Variants in AGBL1 observed in about 807,000 individuals in gnomAD.
AGBL1 encodes cytosolic carboxypeptidase 4.
AGBL1 carries 130 observed loss-of-function variants against 118.9 expected under a neutral mutation model. The observed-to-expected ratio is 1.09, with a 90% CI of 0.95 to 1.26. The LOEUF is 1.26. Among genes scored for constraint, AGBL1 ranks in the 50% most tolerant of loss-of-function variants. AGBL1 has a pLI of 0.00. For synonymous variants in AGBL1, 555 were observed against 478.9 expected (o/e 1.16, Z -2.08); for missense variants, 1,584 against 1,298.1 (o/e 1.22, Z -3.38).
At chr15:86,962,791 A>C (rs765628) in intron 23 of AGBL1, among the ~76,000 whole-genome samples, 3,339 of 152,222 alleles carry the variant, frequency 0.022, 52 homozygotes, top group Middle Eastern at 0.085. Flanking sequence ...AGAAATGTGG[A>C]AACTCTGGTC....
At chr15:86,234,054 C>T (rs1188845891) in intron 6 of AGBL1, among the ~76,000 whole-genome samples, 1 of 152,186 alleles carries the variant, frequency 6.6e-6, no homozygotes, top group African/African-American at 2.4e-5. Flanking sequence ...AGTTCTTACA[C>T]TCATGCAGGA....
intron 19 of AGBL1, among the ~76,000 whole-genome samples, chr15:86,534,608 T>C (rs2083398494): frequency 6.6e-6 from 1 of 152,166 alleles, no homozygotes; most frequent in Non-Finnish European, 1.5e-5. Flanking sequence ...CTTTTGTTTG[T>C]TAGAGAGTCC....
At chr15:86,265,048 A>T (rs1242174161) in intron 11 of AGBL1, among the ~76,000 whole-genome samples, 1 of 152,182 alleles carries the variant, frequency 6.6e-6, no homozygotes, top group Non-Finnish European at 1.5e-5. Context: ...GTAGGCATGC[A>T]TTTTCTGATG....
At chr15:86,689,618 A>G (rs2086126978) in intron 22 of AGBL1, among the ~76,000 whole-genome samples, 1 of 152,086 alleles carries the variant, frequency 6.6e-6, no homozygotes, top group Non-Finnish European at 1.5e-5. Flanking sequence ...TGATTAATGG[A>G]TATTAATTAA....
intron 22 of AGBL1, among the ~76,000 whole-genome samples, chr15:86,763,698 G>T (rs1420061490): frequency 6.6e-6 from 1 of 152,016 alleles, no homozygotes; most frequent in African/African-American, 2.4e-5. Flanking sequence ...GAAGGACTGT[G>T]TCCTAGCCCT....
At chr15:86,593,555 A>C (rs776975069) in intron 21 of AGBL1, among the ~76,000 whole-genome samples, 56 of 152,198 alleles carry the variant, frequency 3.7e-4, no homozygotes, top group Admixed American at 6.5e-4. Context: ...ATTTTTCTGC[A>C]TGATTCAGTT....
intron 22 of AGBL1, among the ~76,000 whole-genome samples, chr15:86,750,821 TG>T (rs2077839283): frequency 6.6e-6 from 1 of 151,960 alleles, no homozygotes; most frequent in South Asian, 2.1e-4. Flanking sequence ...CCCCAGCGTG[TG>T]TGTTGTTCCC....
chr15:86,882,588 G>A (rs1346234154), intron 22 of AGBL1, among the ~76,000 whole-genome samples: 1 of 152,148 alleles, frequency 6.6e-6, no homozygotes, highest in Non-Finnish European at 1.5e-5. Context: ...AACTGGGCTT[G>A]TCTGAAAATT....
At chr15:86,582,498 C>A (rs934627974) in intron 21 of AGBL1, among the ~76,000 whole-genome samples, 1 of 152,038 alleles carries the variant, frequency 6.6e-6, no homozygotes, top group Non-Finnish European at 1.5e-5. Context: ...TTGACCCAGC[C>A]ATCCCATTAC....
intron 18 of AGBL1, among the ~76,000 whole-genome samples, chr15:86,517,538 T>C (rs1166273658): frequency 1.3e-5 from 2 of 152,254 alleles, no homozygotes; most frequent in African/African-American, 4.8e-5. Flanking sequence ...TTCTGGCTTA[T>C]CTTTAAAGAT....
intron 21 of AGBL1, among the ~76,000 whole-genome samples, chr15:86,580,823 T>C (rs1050668758): frequency 6.6e-6 from 1 of 152,210 alleles, no homozygotes; most frequent in African/African-American, 2.4e-5. Flanking sequence ...CTAGCTATAA[T>C]TTTGGAACCA....
At chr15:86,840,406 C>T (rs969676009) in intron 22 of AGBL1, among the ~76,000 whole-genome samples, 1 of 152,052 alleles carries the variant, frequency 6.6e-6, no homozygotes, top group Non-Finnish European at 1.5e-5. Context: ...AAGATGCAAC[C>T]CAGGATGCTC....
At chr15:86,419,739 C>T (rs1365018798) in intron 18 of AGBL1, among the ~76,000 whole-genome samples, 7 of 152,300 alleles carry the variant, frequency 4.6e-5, no homozygotes, top group African/African-American at 1.7e-4. Context: ...GCCAGCACAG[C>T]AGTCTGAAGT....
intron 19 of AGBL1, among the ~76,000 whole-genome samples, chr15:86,534,740 G>A (rs2083401224): frequency 6.6e-6 from 1 of 152,100 alleles, no homozygotes; most frequent in Admixed American, 6.5e-5. Flanking sequence ...CAATAACGTG[G>A]GTGAATCTCA....
chr15:86,673,580 C>T (rs1025083137), intron 21 of AGBL1, among the ~76,000 whole-genome samples: 3 of 152,124 alleles, frequency 2.0e-5, no homozygotes, highest in East Asian at 3.9e-4. Context: ...ACAATCTCTA[C>T]CTCACAGGGC....
chr15:86,505,050 C>G (rs1048476354), intron 18 of AGBL1, among the ~76,000 whole-genome samples: 4 of 151,516 alleles, frequency 2.6e-5, no homozygotes, highest in Admixed American at 1.3e-4. Flanking sequence ...GATGTTCAGT[C>G]TTTTTGTGTT....
intron 17 of AGBL1, among the ~76,000 whole-genome samples, chr15:86,385,943 TCTC>T (rs2081177808): frequency 3.3e-5 from 1 of 30,634 alleles, no homozygotes; most frequent in Non-Finnish European, 5.8e-5. Context: ...CCCCTCCTCC[TCTC>T]CTCTCCCCCT....
intron 4 of AGBL1, among the ~76,000 whole-genome samples, chr15:86,155,022 A>C: frequency 6.6e-6 from 1 of 152,122 alleles, no homozygotes; most frequent in Non-Finnish European, 1.5e-5. Context: ...AAAACCCATG[A>C]TCCTTCTCAA....
At chr15:86,590,159 C>T (rs111659880) in intron 21 of AGBL1, among the ~76,000 whole-genome samples, 2,343 of 152,120 alleles carry the variant, frequency 0.015, 57 homozygotes, top group African/African-American at 0.052. Flanking sequence ...CGGACAATGG[C>T]CAAAAATAGG....
Sources: allele counts gnomAD v4.1 joint callset (sites outside exome capture counted in the v4.1 genomes callset), GRCh38; gene constraint gnomAD v4.1.1; transcripts MANE v1.5; gene names NCBI Gene and HGNC (gene_info 2026-07-23, HGNC 2026-07-21).